LIMCH1: variants seen among roughly 807,000 people sequenced by gnomAD.
LIMCH1 encodes the protein LIM and calponin homology domains-containing protein 1.
LIMCH1 carries 113 observed loss-of-function variants against 176.5 expected under a neutral mutation model. That is an observed-to-expected ratio of 0.64 (90% confidence interval 0.55 to 0.75). The LOEUF (loss-of-function observed/expected upper bound fraction) is 0.75, where lower values mean the gene tolerates loss of function less well. LIMCH1 is among the 30% of genes least tolerant of loss of function. LIMCH1 has a pLI of 0.00. For missense variants in LIMCH1, 1,674 were observed against 1,814.9 expected (o/e 0.92, Z 1.41); for synonymous variants, 619 against 645.9 (o/e 0.96, Z 0.63).
chr4:41,639,797 A>C (rs2093744426), intron 14 of LIMCH1, among the ~76,000 whole-genome samples: 1 of 152,220 alleles, frequency 6.6e-6, no homozygotes, highest in Admixed American at 6.5e-5. Flanking sequence ...TAAATCCAGC[A>C]TCAGTAGTCT....
intron 13 of LIMCH1, among the ~76,000 whole-genome samples, chr4:41,636,230 CT>C (rs76076652): frequency 0.032 from 4,378 of 136,730 alleles, 61 homozygotes; most frequent in African/African-American, 0.043. Context: ...ACTTTATTGA[CT>C]TTTTTTTTTT....
chr4:41,510,881 A>G (rs556704916), intron 2 of LIMCH1, among the ~76,000 whole-genome samples: 1 of 152,204 alleles, frequency 6.6e-6, no homozygotes, highest in African/African-American at 2.4e-5. Flanking sequence ...GAGCCACCGC[A>G]CCCGACCAAA....
At chr4:41,462,471 A>G (rs1178627899) in intron 1 of LIMCH1, among the ~76,000 whole-genome samples, 2 of 152,220 alleles carry the variant, frequency 1.3e-5, no homozygotes, top group Non-Finnish European at 1.5e-5. Context: ...AACATCATGA[A>G]GGTTAAATGA....
chr4:41,435,314 G>A (rs1325837678), intron 1 of LIMCH1, among the ~76,000 whole-genome samples: 1 of 152,178 alleles, frequency 6.6e-6, no homozygotes, highest in African/African-American at 2.4e-5. Flanking sequence ...AAGGGACCAT[G>A]AGCAAAGGAA....
At chr4:41,672,118 C>T (rs2095061227) in intron 22 of LIMCH1, among the ~76,000 whole-genome samples, 1 of 151,992 alleles carries the variant, frequency 6.6e-6, no homozygotes, top group African/African-American at 2.4e-5. Flanking sequence ...ACCTGTAATC[C>T]CAGCACTTTG....
intron 1 of LIMCH1, among the ~76,000 whole-genome samples, chr4:41,575,862 C>A (rs570740077): frequency 1.1e-4 from 17 of 152,276 alleles, no homozygotes; most frequent in Admixed American, 8.5e-4. Context: ...TCAGGTCCAT[C>A]AGCTGTAATG....
chr4:41,541,001 C>T (rs939555357), intron 1 of LIMCH1, among the ~76,000 whole-genome samples: 1 of 152,074 alleles, frequency 6.6e-6, no homozygotes, highest in African/African-American at 2.4e-5. Flanking sequence ...TAGCTCCCAA[C>T]AGGAAATGAG....
chr4:41,613,757 C>A, intron 5 of LIMCH1, 96 bp downstream of exon 5: 1 of 1,013,242 alleles, frequency 9.9e-7, no homozygotes, highest in Non-Finnish European at 1.5e-6. Flanking sequence ...GGAAAGCAGG[C>A]TCCATATCCA....
intron 2 of LIMCH1, among the ~76,000 whole-genome samples, chr4:41,507,735 G>A (rs2074358426): frequency 6.6e-6 from 1 of 152,144 alleles, no homozygotes; most frequent in Admixed American, 6.5e-5. Flanking sequence ...TAGAGGATAG[G>A]TGCCTGAAAG....
At chr4:41,397,426 T>C (rs1466371598) in intron 1 of LIMCH1, among the ~76,000 whole-genome samples, 1 of 152,230 alleles carries the variant, frequency 6.6e-6, no homozygotes, top group Non-Finnish European at 1.5e-5. Flanking sequence ...ATTAATTCCC[T>C]TCCTGAAGTT....
At chr4:41,688,869 T>A (rs964837221) in intron 29 of LIMCH1, 2 of 152,486 alleles carry the variant, frequency 1.3e-5, no homozygotes, top group African/African-American at 4.8e-5. Flanking sequence ...AGAAGGCAAG[T>A]GCCTTCATTC....
rs763924639 is a variant in LIMCH1, at chr4:41,638,932, A to G, written c.2091A>G (p.Arg697=). The G allele has an allele frequency of 6.2e-6, 10 of 1,606,008 alleles. No homozygotes were observed. The Middle Eastern group carries it at 5.0e-4, about 80-fold the overall frequency. Residue 697 remains arginine (R), a splice_region_variant and synonymous_variant, in exon 14 of 32, where the codon AGA becomes AGG. Transcript: ENST00000503057. ...SSKGLPMKDQ[R]YGPRTPVSDD... ...TCTAATTTTTTATTTGATCTTATAG[A>G]TACGGTCCGAGAACTCCTGTGTCTG...
chr4:41,439,036 A>G (rs898320880), intron 1 of LIMCH1, among the ~76,000 whole-genome samples: 1 of 152,226 alleles, frequency 6.6e-6, no homozygotes, highest in African/African-American at 2.4e-5. Flanking sequence ...CTTTGACTAA[A>G]GAGAAGCATT....
intron 2 of LIMCH1, among the ~76,000 whole-genome samples, chr4:41,603,540 T>TA (rs1205314114): frequency 6.6e-6 from 1 of 152,190 alleles, no homozygotes; most frequent in African/African-American, 2.4e-5. Context: ...CGGTGGTCTA[T>TA]AATCAAGGCA....
chr4:41,434,258 G>A (rs2061859196), intron 1 of LIMCH1, among the ~76,000 whole-genome samples: 1 of 152,174 alleles, frequency 6.6e-6, no homozygotes, highest in African/African-American at 2.4e-5. Context: ...TGGCACCACT[G>A]GAGGCCAGCC....
chr4:41,527,013 C>T (rs1450564077), intron 3 of LIMCH1, among the ~76,000 whole-genome samples: 2 of 152,182 alleles, frequency 1.3e-5, no homozygotes, highest in African/African-American at 4.8e-5. Flanking sequence ...ATACTTTCCT[C>T]CTGCTCTTCT....
In LIMCH1 at chr4:41,563,810, T is replaced by G. The variant is rs547286765; in HGVS notation, c.-241+25460T>G. Among the ~76,000 whole-genome samples, 11 of 152,298 alleles carry G rather than the reference T, an allele frequency of 7.2e-5. No homozygotes were observed. The South Asian group carries it at 1.2e-3, about 17-fold the overall frequency. ...TTTATCACTAAAGTCCTAATATATC[T>G]CTATTAGAGATGAAAACAGGAGACT... On this transcript the variant is annotated intron_variant, in intron 1 of 31. Transcript: ENST00000503057.
At chr4:41,486,516 T>C (rs1181530855) in intron 1 of LIMCH1, among the ~76,000 whole-genome samples, 5 of 152,196 alleles carry the variant, frequency 3.3e-5, no homozygotes, top group Non-Finnish European at 7.3e-5. Context: ...AGTTAGTATA[T>C]AGAATGTGTG....
chr4:41,492,221 C>A lies in LIMCH1; in HGVS notation c.97-2315C>A, dbSNP rs189915156. Reference sequence around the variant, plus strand: ...CTGGAGACCAGTCCGGTCAACATGGCGAAACCCCGTCTCCACCAAAAATAC... The same window carrying A: ...CTGGAGACCAGTCCGGTCAACATGGAGAAACCCCGTCTCCACCAAAAATAC... On this transcript the variant is annotated intron_variant, in intron 1 of 26. Coordinates refer to the LIMCH1 transcript ENST00000313860. 4.3e-3 allele frequency among the ~76,000 whole-genome samples: 655 copies of A among 152,212 alleles called. 1 individual carries two copies. Among genetic ancestry groups the A allele is most frequent in the African/African-American group, 9.1e-3 (380 of 41,538 alleles).
Sources: allele counts gnomAD v4.1 joint callset (sites outside exome capture counted in the v4.1 genomes callset), GRCh38; gene constraint gnomAD v4.1.1; transcripts MANE v1.5; gene names NCBI Gene and HGNC (gene_info 2026-07-23, HGNC 2026-07-21).